The following PCM1 variants were observed in gnomAD, a reference collection of about 807,000 sequenced individuals.
The protein encoded by PCM1 is pericentriolar material 1 protein.
PCM1 carries 157 observed loss-of-function variants against 241.9 expected under a neutral mutation model. The observed-to-expected ratio is 0.65, with a 90% CI of 0.57 to 0.74. PCM1 has a LOEUF of 0.74. Ranked by LOEUF, PCM1 falls within the 30% of genes least tolerant of loss-of-function variation. The pLI, the probability that PCM1 is intolerant of heterozygous loss-of-function variation, is 0.00. For synonymous variants in PCM1, 1,085 were observed against 784.9 expected (o/e 1.38, Z -6.39); for missense variants, 3,478 against 2,360.1 (o/e 1.47, Z -9.81).
intron 35 of PCM1, 62 bp downstream of exon 35, chr8:18,014,098 A>AT: frequency 1.3e-6 from 1 of 747,092 alleles, no homozygotes; most frequent in Non-Finnish European, 2.1e-6. Context: ...TTAAAGCTAA[A>AT]AAAAAAAAAA....
intron 38 of PCM1, among the ~76,000 whole-genome samples, chr8:18,026,019 C>T (rs2094166773): frequency 6.6e-6 from 1 of 151,378 alleles, no homozygotes; most frequent in African/African-American, 2.4e-5. Context: ...AAAAAATCAG[C>T]CAAGCGCGGT....
intron 23 of PCM1, among the ~76,000 whole-genome samples, chr8:17,973,482 GCTGAGGCAGGTGGATCAC>G (rs1357881699): frequency 2.6e-5 from 4 of 152,146 alleles, no homozygotes; most frequent in African/African-American, 9.7e-5. Flanking sequence ...ACTTTGGGAG[GCTGAGGCAGGTGGATCAC>G]CTGAGAGCAG....
At chr8:17,959,301 T>C (rs571887813) in intron 13 of PCM1, among the ~76,000 whole-genome samples, 43 of 143,890 alleles carry the variant, frequency 3.0e-4, no homozygotes, top group Admixed American at 8.7e-4. Flanking sequence ...ATGATAATTA[T>C]AAAATATAAA....
At chr8:17,958,849 G>A (rs1278708345) in intron 13 of PCM1, among the ~76,000 whole-genome samples, 1 of 152,084 alleles carries the variant, frequency 6.6e-6, no homozygotes, top group African/African-American at 2.4e-5. Context: ...AGCCTCCCGA[G>A]TAGCTGGAAT....
intron 10 of PCM1, among the ~76,000 whole-genome samples, 176 bp from the exon 11 acceptor site, chr8:17,956,428 G>A (rs1294398492): frequency 2.0e-5 from 3 of 152,132 alleles, no homozygotes; most frequent in Non-Finnish European, 4.4e-5. Context: ...TTTTGAGTAA[G>A]CTGTACTTGG....
chr8:17,976,351 A>G (rs1263835088), intron 23 of PCM1, among the ~76,000 whole-genome samples: 1 of 152,208 alleles, frequency 6.6e-6, no homozygotes, highest in Non-Finnish European at 1.5e-5. Flanking sequence ...TTGCTGAGGA[A>G]TCATTGTTAT....
At chr8:17,928,554 T>G (rs928279541) in intron 2 of PCM1, among the ~76,000 whole-genome samples, 1 of 151,712 alleles carries the variant, frequency 6.6e-6, no homozygotes, top group Non-Finnish European at 1.5e-5. Context: ...GGCCCCCGCT[T>G]TCTCAGAGCC....
At chr8:17,931,811 A>T (rs2059128341) in intron 2 of PCM1, among the ~76,000 whole-genome samples, 1 of 152,242 alleles carries the variant, frequency 6.6e-6, no homozygotes, top group South Asian at 2.1e-4. Context: ...AAAATGTTTT[A>T]TTTAAATGAG....
chr8:17,924,176 C>G (rs562160914), intron 1 of PCM1, among the ~76,000 whole-genome samples: 2 of 152,192 alleles, frequency 1.3e-5, no homozygotes, highest in African/African-American at 4.8e-5. Flanking sequence ...TGTTGCAGAG[C>G]CTCGGGTGCA....
intron 8 of PCM1, among the ~76,000 whole-genome samples, chr8:17,951,825 C>T (rs766767796): frequency 8.6e-5 from 13 of 151,846 alleles, no homozygotes; most frequent in Non-Finnish European, 1.6e-4. Flanking sequence ...ATAATTGATG[C>T]AAATATGGGA....
chr8:17,923,422 G>A lies in PCM1; in HGVS notation c.-91+234G>A, dbSNP rs573864260. Among the ~76,000 whole-genome samples the A allele has an allele frequency of 3.3e-5, 5 of 152,332 alleles. No individual in the cohort carries two copies. In the South Asian group the frequency reaches 6.2e-4, roughly 19 times the overall value. On this transcript the variant is annotated intron_variant, in intron 1 of 38. Coordinates refer to ENST00000325083, the MANE Select transcript of PCM1 (RefSeq NM_006197.4). ...GGTGAGCACCTCGCGACGCGTTGGT[G>A]ATTGCAGGACTCCCTTCTTGCCTCC...
intron 6 of PCM1, among the ~76,000 whole-genome samples, chr8:17,941,865 C>A (rs1005744282): frequency 7.2e-6 from 1 of 139,046 alleles, no homozygotes; most frequent in Non-Finnish European, 1.5e-5. Flanking sequence ...CTTGGGAAGT[C>A]TCTAAATGAG....
In PCM1 at chr8:17,955,562, C is replaced by A. The variant is rs748541946; in HGVS notation, c.1381C>A (p.Leu461Ile). 1 of 1,613,562 alleles carries A rather than the reference C, an allele frequency of 6.2e-7. No homozygotes were observed. The highest frequency in any genetic ancestry group is 1.7e-5 in the Admixed American group (1 of 60,010). Residue 461 changes from leucine (L) to isoleucine (I), a missense_variant, in exon 10 of 39, where the codon CTC (leucine) becomes ATC (isoleucine). Leu to Ile is a conservative substitution (Grantham distance 5). Transcript: ENST00000325083. ...APVVNGESNS[L>I]TSSVPYPTAS... ...GGTTGTCAATGGAGAATCCAATAGC[C>A]TCACATCATCTGTTCCTTATCCTAC...
intron 29 of PCM1, 175 bp from the exon 30 acceptor site, chr8:18,006,088 A>C: frequency 1.8e-6 from 1 of 566,380 alleles, no homozygotes; most frequent in Admixed American, 3.3e-5. Flanking sequence ...AATACGTATG[A>C]ATAAAGTAGG....
At chr8:17,975,691 A>G (rs2078524055) in intron 23 of PCM1, among the ~76,000 whole-genome samples, 3 of 152,178 alleles carry the variant, frequency 2.0e-5, no homozygotes, top group Non-Finnish European at 4.4e-5. Context: ...AGACTGATCC[A>G]AATATATATG....
At chr8:17,990,477 T>C (rs2084213737) in intron 27 of PCM1, among the ~76,000 whole-genome samples, 1 of 151,594 alleles carries the variant, frequency 6.6e-6, no homozygotes, top group Non-Finnish European at 1.5e-5. Flanking sequence ...TTTTTTTTGT[T>C]TGTTTGGGTT....
At chr8:17,992,762 A>C (rs539883131) in intron 28 of PCM1, among the ~76,000 whole-genome samples, 1 of 151,850 alleles carries the variant, frequency 6.6e-6, no homozygotes, top group African/African-American at 2.4e-5. Context: ...CATTGTAGGC[A>C]TGTGCCACCA....
chr8:18,003,000 A>G lies in PCM1; in HGVS notation c.4828-3263A>G, dbSNP rs185821246. Among the ~76,000 whole-genome samples the G allele has an allele frequency of 2.6e-5, 4 of 152,296 alleles. No homozygotes were observed. In the East Asian group the frequency reaches 7.7e-4, roughly 29 times the overall value. ...TCTGCCTGGAATGCTCTTCCTTCAC[A>G]TACCTACCTGCATGGCTTGTTTTCT... On this transcript the variant is annotated intron_variant, in intron 29 of 38. Transcript: ENST00000325083.
chr8:17,981,941 C>G (rs796142282), intron 24 of PCM1, among the ~76,000 whole-genome samples: 9 of 151,496 alleles, frequency 5.9e-5, no homozygotes, highest in African/African-American at 2.2e-4. Context: ...AGTGTTGTCT[C>G]AACAGTATGG....
Sources: allele counts gnomAD v4.1 joint callset (sites outside exome capture counted in the v4.1 genomes callset), GRCh38; gene constraint gnomAD v4.1.1; transcripts MANE v1.5; gene names NCBI Gene and HGNC (gene_info 2026-07-23, HGNC 2026-07-21).